The following RASGRP3 variants were observed in gnomAD, a reference collection of about 807,000 sequenced individuals.
RASGRP3 encodes the protein ras guanyl-releasing protein 3.
In RASGRP3, 54 loss-of-function variants were observed where a neutral mutation model predicts 82.7. The ratio of observed to expected loss-of-function variants is 0.65; its 90% CI spans 0.52 to 0.82. The LOEUF (loss-of-function observed/expected upper bound fraction) is 0.82, where lower values mean the gene tolerates loss of function less well. Ranked by LOEUF, RASGRP3 falls within the 40% of genes least tolerant of loss-of-function variation. The probability of loss-of-function intolerance (pLI) is 0.00; values close to 1 mark genes in which losing one functional copy is unlikely to be tolerated. For missense variants in RASGRP3, 861 were observed against 828.9 expected, an observed-to-expected ratio of 1.04 and a Z score of -0.48; for synonymous variants, 309 against 300.5, an observed-to-expected ratio of 1.03 and a Z score of -0.29.
chr2:33,525,582 A>T (rs1672465936), intron 9 of RASGRP3, among the ~76,000 whole-genome samples: 1 of 151,336 alleles, frequency 6.6e-6, no homozygotes, highest in Non-Finnish European at 1.5e-5. Context: ...TGTATCGTCC[A>T]TCAGGCGTGG....
rs79806688 is a variant in RASGRP3 at position 33,453,315 on chromosome 2, C to T, written c.-261+5372C>T. Among the ~76,000 whole-genome samples, 11 of 152,264 alleles carry T rather than the reference C, an allele frequency of 7.2e-5. No individual in the cohort carries two copies. In the East Asian group the frequency reaches 1.9e-3, roughly 27 times the overall value. Reference sequence around the variant, plus strand: ...AAGATGAGATCAAAGGGTTTTTGATCTCAACTGGGATTCTTTAGTTCTTGA... The same window carrying T: ...AAGATGAGATCAAAGGGTTTTTGATTTCAACTGGGATTCTTTAGTTCTTGA... On this transcript the variant is annotated intron_variant, in intron 2 of 18. Coordinates refer to the RASGRP3 transcript ENST00000402538.
chr2:33,531,522 C>T (rs966205677), intron 10 of RASGRP3, among the ~76,000 whole-genome samples: 1 of 152,160 alleles, frequency 6.6e-6, no homozygotes, highest in African/African-American at 2.4e-5. Flanking sequence ...GGAAGCCAAA[C>T]CCTGCATTTG....
chr2:33,519,407 G>T (rs2151018462), intron 4 of RASGRP3, among the ~76,000 whole-genome samples: 1 of 152,248 alleles, frequency 6.6e-6, no homozygotes, highest in Non-Finnish European at 1.5e-5. Context: ...ACAAGGTCAG[G>T]AGATCAAGAC....
intron 2 of RASGRP3, among the ~76,000 whole-genome samples, chr2:33,459,737 G>C (rs2150896421): frequency 6.6e-6 from 1 of 152,282 alleles, no homozygotes; most frequent in South Asian, 2.1e-4. Flanking sequence ...TAAATGCAAT[G>C]AAGCCAGCTG....
chr2:33,525,720 A>AAC (rs1558485918), intron 9 of RASGRP3, among the ~76,000 whole-genome samples: 3 of 149,214 alleles, frequency 2.0e-5, no homozygotes, highest in African/African-American at 7.4e-5. Flanking sequence ...AAAAAAAAAA[A>AAC]AAAAAAACTA....
intron 1 of RASGRP3, among the ~76,000 whole-genome samples, chr2:33,446,205 T>TGGAGTGCAGTGGTGCAATCTTTGGC (rs1226637471): frequency 2.0e-5 from 3 of 152,222 alleles, no homozygotes; most frequent in Non-Finnish European, 4.4e-5. Context: ...TCGCCCAGGC[T>TGGAGTGCAGTGGTGCAATCTTTGGC]GGAGTGCAGT....
chr2:33,485,057 G>A (rs1439126859), intron 1 of RASGRP3, among the ~76,000 whole-genome samples: 4 of 152,198 alleles, frequency 2.6e-5, no homozygotes, highest in Non-Finnish European at 2.9e-5. Context: ...AATTAGCCAA[G>A]TGTGGTGGTG....
intron 17 of RASGRP3, chr2:33,559,607 G>A (rs771029665): frequency 3.9e-6 from 2 of 518,784 alleles, no homozygotes; most frequent in South Asian, 2.8e-5. Context: ...GTTAGAGTAT[G>A]CTGACACAGA....
At chr2:33,559,855 A>G (rs1676453850) in intron 17 of RASGRP3, among the ~76,000 whole-genome samples, 1 of 152,192 alleles carries the variant, frequency 6.6e-6, no homozygotes, top group Non-Finnish European at 1.5e-5. Flanking sequence ...TCCACTCTTC[A>G]GGAGACCTAA....
At position 33,518,398 on chromosome 2, in the gene RASGRP3, C is replaced by G. The variant is rs191667121; in HGVS notation, c.174-1554C>G. 1.4e-3 allele frequency among the ~76,000 whole-genome samples: 219 copies of G among 152,262 alleles called. 2 individuals carry two copies. The highest frequency in any genetic ancestry group is 5.1e-3 in the African/African-American group (212 of 41,562). ...TATAGGGTGCTTATCATGAATGGAGCTTGCAAGACTGGAAGCCGCTCAGGG... is the reference window on the plus strand; with the variant it reads ...TATAGGGTGCTTATCATGAATGGAGGTTGCAAGACTGGAAGCCGCTCAGGG... On this transcript the variant is annotated intron_variant, in intron 4 of 17. Coordinates refer to ENST00000403687, the MANE Select transcript of RASGRP3 (RefSeq NM_001139488.2).
intron 2 of RASGRP3, among the ~76,000 whole-genome samples, chr2:33,454,626 G>A (rs943437589): frequency 6.6e-6 from 1 of 152,166 alleles, no homozygotes; most frequent in African/African-American, 2.4e-5. Flanking sequence ...TTGCCCAAGT[G>A]GGAGATCACC....
upstream of RASGRP3, among the ~76,000 whole-genome samples, chr2:33,475,017 A>G (rs62147153): frequency 3.2e-3 from 493 of 152,334 alleles, 4 homozygotes; most frequent in Non-Finnish European, 4.2e-3. Flanking sequence ...AAAAGTTTCT[A>G]TTACTGTAAA....
chr2:33,460,390 G>C (rs116382007), intron 2 of RASGRP3, among the ~76,000 whole-genome samples: 131 of 152,268 alleles, frequency 8.6e-4, no homozygotes, highest in African/African-American at 2.7e-3. Flanking sequence ...ATACAGGATA[G>C]AGAAAGATGT....
chr2:33,523,866 C>CT lies in RASGRP3; in HGVS notation c.517-11dup. The CT allele has an allele frequency of 2.5e-6, 4 of 1,595,380 alleles. No homozygotes were observed. Among genetic ancestry groups the CT allele is most frequent in the Non-Finnish European group, 3.4e-6 (4 of 1,167,982 alleles). On this transcript the variant is annotated splice_polypyrimidine_tract_variant and intron_variant, in intron 7 of 17. Transcript: ENST00000403687. Reference sequence around the variant, plus strand: ...CTATTATAATTCAGAGTCTCTGAATCTTCCTTTCCTAGTTCACTGATTACC... The same window carrying CT: ...CTATTATAATTCAGAGTCTCTGAATCTTTCCTTTCCTAGTTCACTGATTACC...
chr2:33,484,575 T>A (rs1458868481), intron 1 of RASGRP3, among the ~76,000 whole-genome samples: 1 of 152,084 alleles, frequency 6.6e-6, no homozygotes, highest in Non-Finnish European at 1.5e-5. Flanking sequence ...CCAGTCTGAA[T>A]GGTGGTGCTG....
Position 33,524,568 on chromosome 2 carries a change from A to AATC in RASGRP3, c.807+22_807+24dup, listed in dbSNP as rs1268550614. On this transcript the variant is annotated intron_variant, in intron 9 of 17. Transcript: ENST00000403687. ...ACAAAGGTATAGTAGACTTGATCCT[A>AATC]ATCAAAAGTAAAAAAATGCATTTGT... The AATC allele has an allele frequency of 6.7e-7, 1 of 1,502,946 alleles. No individual in the cohort carries two copies. The highest frequency in any genetic ancestry group is 9.1e-7 in the Non-Finnish European group (1 of 1,104,644). The allele number at this position is 1,502,946 out of a possible 1,614,324, so 93.1% of individuals were successfully genotyped here.
At chr2:33,443,709 T>TAA (rs1161262477) in intron 1 of RASGRP3, among the ~76,000 whole-genome samples, 1,659 of 98,150 alleles carry the variant, frequency 0.017, 44 homozygotes, top group African/African-American at 0.053. Context: ...ATCCTGTCTC[T>TAA]AAAAAAAAAA....
chr2:33,497,906 G>A (rs764407400), intron 1 of RASGRP3, among the ~76,000 whole-genome samples: 4 of 152,164 alleles, frequency 2.6e-5, no homozygotes, highest in Non-Finnish European at 4.4e-5. Flanking sequence ...AGTCATAGAA[G>A]AAATGGGATT....
intron 9 of RASGRP3, among the ~76,000 whole-genome samples, chr2:33,525,574 T>C (rs1672464765): frequency 6.6e-6 from 1 of 151,748 alleles, no homozygotes; most frequent in Non-Finnish European, 1.5e-5. Flanking sequence ...TAAGCAAATG[T>C]ATCGTCCATC....
Sources: gnomAD v4.1 joint callset for allele counts (sites outside exome capture counted in the v4.1 genomes callset) on GRCh38, gnomAD v4.1.1 for gene constraint, MANE v1.5 for transcripts, NCBI Gene and HGNC (gene_info 2026-07-23, HGNC 2026-07-21) for gene names.